The following ABCC10 variants were observed in gnomAD, a reference collection of about 807,000 sequenced individuals.
ABCC10 encodes the protein ATP binding cassette subfamily C member 10, also known as ATP-binding cassette sub-family C member 10.
In ABCC10, 110 loss-of-function variants were observed where a neutral mutation model predicts 143.2. That is an observed-to-expected ratio of 0.77 (90% confidence interval 0.66 to 0.90). The LOEUF is 0.90. Ranked by LOEUF, ABCC10 falls within the 40% of genes least tolerant of loss-of-function variation. ABCC10 has a pLI of 0.00. For synonymous variants in ABCC10, 805 were observed against 846.7 expected (o/e 0.95, Z 0.85); for missense variants, 1,700 against 1,900.5 (o/e 0.89, Z 1.96).
chr6:43,451,365 C>A, downstream of ABCC10: 1 of 1,480,722 alleles, frequency 6.8e-7, no homozygotes, highest in South Asian at 1.3e-5. This position sits in a 1 kb window ranked among gnomAD's most constrained non-coding sequence, Gnocchi z 4.4. Context: ...CCCGCCATGT[C>A]ATCTTGGGCT....
intron 2 of ABCC10, among the ~76,000 whole-genome samples, chr6:43,430,234 GCATGTGCCAC>G (rs971189014): frequency 4.1e-4 from 63 of 151,862 alleles, no homozygotes; most frequent in Admixed American, 2.5e-3. Flanking sequence ...GAGACTACAG[GCATGTGCCAC>G]CATGCCTGGC....
In ABCC10 at chr6:43,446,302, C is replaced by T; in HGVS notation, c.3400C>T (p.Leu1134Phe). ...YRFEEENLRL[L>F]ELNQRCQFAT... ...GTTTGAGGAGGAGAACCTGCGACTC[C>T]TTGAGCTAAACCAGAGGTGCCAGTT... The change falls in exon 16 of 22, where the codon CTT becomes TTT. Residue 1134 changes from leucine to phenylalanine, a missense_variant. By Grantham distance (22) the Leu-to-Phe change is conservative. Transcript: ENST00000372530. 4.3e-6 allele frequency: 7 copies of T among 1,613,954 alleles called. No homozygotes were observed. The highest frequency in any genetic ancestry group is 5.1e-6 in the Non-Finnish European group (6 of 1,179,916).
rs1781690882 is a variant in ABCC10 at position 43,436,185 on chromosome 6, T to C, written c.1813T>C (p.Phe605Leu). The change falls in exon 6 of 22, where the codon TTC becomes CTC. Residue 605 changes from phenylalanine (F) to leucine (L), a missense_variant. By Grantham distance (22) the Phe-to-Leu change is conservative (BLOSUM62 0). Coordinates refer to ENST00000372530, the MANE Select transcript of ABCC10 (RefSeq NM_001198934.2). ...AGTATTGGAGCTGCATGGAGCCTTGTTCTCCTGGGACCCAGTTGGAACCAG... is the reference window on the plus strand; with the variant it reads ...AGTATTGGAGCTGCATGGAGCCTTGCTCTCCTGGGACCCAGTTGGAACCAG... Reference protein sequence around the residue: ...STVLELHGALFSWDPVGTSLE... With the variant: ...STVLELHGALLSWDPVGTSLE... 1 of 1,614,216 alleles carries C rather than the reference T, an allele frequency of 6.2e-7. No individual in the cohort carries two copies. The highest frequency in any genetic ancestry group is 8.5e-7 in the Non-Finnish European group (1 of 1,180,034).
chr6:43,443,735 C>G lies in ABCC10; in HGVS notation c.2417-198C>G. The G allele has an allele frequency of 1.8e-6, 1 of 568,552 alleles. No individual in the cohort carries two copies. The highest frequency in any genetic ancestry group is 3.2e-6 in the Non-Finnish European group (1 of 316,436). 35.2% of individuals were successfully genotyped at this position (568,552 alleles called of 1,614,324 possible). ...TACAAGGATGGACTTGAGTCCTGCT[C>G]GAGGTCTAGGGGTATCCAGAGCAGG... On this transcript the variant is annotated intron_variant, in intron 10 of 21. Transcript: ENST00000372530. This position sits in a 1 kb window ranked among gnomAD's most constrained non-coding sequence, Gnocchi z 4.2.
chr6:43,438,602 T>C, intron 7 of ABCC10, 22 bp from the exon 8 acceptor site: 3 of 1,611,666 alleles, frequency 1.9e-6, no homozygotes, highest in East Asian at 2.2e-5. Context: ...GGTCCTCATA[T>C]TGCTCGCCTG....
At chr6:43,446,778 C>G in intron 16 of ABCC10, 2 of 1,202,174 alleles carry the variant, frequency 1.7e-6, no homozygotes, top group South Asian at 5.2e-5. Context: ...AGGCCCACCC[C>G]CTGCCCTGCA....
At chr6:43,437,086 A>C (rs2127391845) in intron 6 of ABCC10, among the ~76,000 whole-genome samples, 1 of 152,336 alleles carries the variant, frequency 6.6e-6, no homozygotes, top group Admixed American at 6.5e-5. Context: ...ACCAGGCCTC[A>C]ACTCGCAGAG....
chr6:43,427,936 T>G, intron 1 of ABCC10, 32 bp from the exon 2 acceptor site: 1 of 1,609,138 alleles, frequency 6.2e-7, no homozygotes, highest in Non-Finnish European at 8.5e-7. Context: ...GCTGTTACCC[T>G]GCACAGCCGT....
Position 43,450,295 on chromosome 6 carries a change from G to A in ABCC10, c.*204G>A. 1.2e-6 allele frequency: 1 copy of A among 834,774 alleles called. No individual in the cohort carries two copies. The highest frequency in any genetic ancestry group is 3.7e-4 in the Middle Eastern group (1 of 2,708). The allele number at this position is 834,774 out of a possible 1,614,324, so 51.7% of individuals were successfully genotyped here. On this transcript the variant is annotated 3_prime_UTR_variant, in exon 22 of 22. Transcript: ENST00000372530. The surrounding 1 kb of genome is among the most constrained non-coding windows in gnomAD (Gnocchi z 4.5). ...GAGGCTTCCCCAGAACCAGGCCTCT[G>A]CTCTGGCCCTCTTGCATCTGGAACG...
rs1782740555 is a variant in ABCC10, at chr6:43,443,893, T to A, written c.2417-40T>A. 1 of 1,568,550 alleles carries A rather than the reference T, an allele frequency of 6.4e-7. No individual in the cohort carries two copies. The highest frequency in any genetic ancestry group is 1.1e-5 in the South Asian group (1 of 90,222). ...GCACTGAGAAAGGCATAGTATAGAC[T>A]CAGAACAGTCCTCTCCCAATCTCCC... On this transcript the variant is annotated intron_variant, in intron 10 of 21. Coordinates refer to ENST00000372530, the MANE Select transcript of ABCC10 (RefSeq NM_001198934.2). The surrounding 1 kb of genome is among the most constrained non-coding windows in gnomAD (Gnocchi z 4.2).
In ABCC10 at chr6:43,434,794, C is replaced by T. The variant is rs1188067787; in HGVS notation, c.1554C>T (p.Ser518=). 6.2e-7 allele frequency: 1 copy of T among 1,614,194 alleles called. No homozygotes were observed. Among genetic ancestry groups the T allele is most frequent in the Non-Finnish European group, 8.5e-7 (1 of 1,180,034 alleles). The change falls in exon 4 of 22, where the codon TCC becomes TCT. Residue 518 remains serine (S), a synonymous_variant. Coordinates refer to ENST00000372530, the MANE Select transcript of ABCC10 (RefSeq NM_001198934.2). ...YLWAALPVVI[S]IVIFITYVLM... is the part of the protein sequence containing the mutation. ...GGGCTGCCCTACCGGTTGTCATCTC[C>T]ATCGTTATCTTCATCACCTATGTCC...
chr6:43,446,166 AC>A, intron 15 of ABCC10, 110 bp from the exon 16 acceptor site: 1 of 1,363,516 alleles, frequency 7.3e-7, no homozygotes, highest in Non-Finnish European at 1.0e-6. Context: ...GGGTATACAG[AC>A]CAGCTCCCAA....
chr6:43,431,682 A>G (rs1781148251), intron 2 of ABCC10: 1 of 512,192 alleles, frequency 2.0e-6, no homozygotes, highest in Admixed American at 6.4e-5. Flanking sequence ...TTAAAATTTT[A>G]GATTCATGAG....
chr6:43,445,879 A>G lies in ABCC10; in HGVS notation c.3311A>G (p.Tyr1104Cys), dbSNP rs778932887. 4 of 1,613,980 alleles carry G rather than the reference A, an allele frequency of 2.5e-6. No homozygotes were observed. The Admixed American group carries it at 6.7e-5, about 27-fold the overall frequency. The change falls in exon 15 of 22, where the codon TAT (tyrosine) becomes TGT (cysteine). Residue 1104 changes from tyrosine (Y) to cysteine (C), a missense_variant. Transcript: ENST00000372530. ...GGCAGCCTCACCCTGTCTCCACTGT[A>G]TAGCCATCTGGCCGATACCTTGGCT... ...RLGSLTLSPL[Y>C]SHLADTLAGL...
intron 5 of ABCC10, 52 bp from the exon 6 acceptor site, chr6:43,436,086 C>T: frequency 1.2e-6 from 2 of 1,613,350 alleles, no homozygotes; most frequent in Non-Finnish European, 1.7e-6. Flanking sequence ...TTACCCTCCC[C>T]AAACAGATTG....
intron 16 of ABCC10, 166 bp downstream of exon 16, chr6:43,446,612 A>T (rs1202985208): frequency 4.1e-6 from 4 of 985,182 alleles, no homozygotes; most frequent in Non-Finnish European, 4.8e-6. Context: ...TGAGGAGACA[A>T]TCCCCAGGAG....
rs775423505 is a variant in ABCC10 at position 43,428,073 on chromosome 6, T to C, written c.95T>C (p.Leu32Pro). 16 of 1,576,464 alleles carry C rather than the reference T, an allele frequency of 1.0e-5. No homozygotes were observed. The highest frequency in any genetic ancestry group is 1.7e-4 in the Middle Eastern group (1 of 6,024). ...ACCACAGGCCACTGCTTCACCCAGC[T>C]GGTGCTCAGCGCCCTGCCCCACGCG... ...GDTTGHCFTQ[L>P]VLSALPHALL... The change falls in exon 2 of 22, where the codon CTG becomes CCG. Residue 32 changes from leucine (L) to proline (P), a missense_variant. Coordinates refer to ENST00000372530, the MANE Select transcript of ABCC10 (RefSeq NM_001198934.2).
intron 13 of ABCC10, 85 bp from the exon 14 acceptor site, chr6:43,445,040 G>A: frequency 6.3e-7 from 1 of 1,586,284 alleles, no homozygotes. Context: ...ACTTCTGGAG[G>A]GTGGGAGAGA....
chr6:43,427,933 C>T (rs575147150), intron 1 of ABCC10, 35 bp from the exon 2 acceptor site: 2 of 1,607,226 alleles, frequency 1.2e-6, no homozygotes, highest in East Asian at 2.2e-5. Flanking sequence ...CCGGCTGTTA[C>T]CCTGCACAGC....
Sources: allele counts gnomAD v4.1 joint callset (sites outside exome capture counted in the v4.1 genomes callset), GRCh38; gene constraint gnomAD v4.1.1; non-coding constraint Gnocchi (gnomAD v3.1); transcripts MANE v1.5; gene names NCBI Gene and HGNC (gene_info 2026-07-23, HGNC 2026-07-21).